Variants in SORCS3 observed in about 807,000 individuals in gnomAD.
SORCS3 encodes the protein VPS10 domain-containing receptor SorCS3.
Under a neutral mutation model 146.3 loss-of-function variants are expected in SORCS3, and 57 were observed. The ratio of observed to expected loss-of-function variants is 0.39; its 90% CI spans 0.31 to 0.49. SORCS3 has a LOEUF of 0.49. Ranked by LOEUF, SORCS3 falls within the 20% of genes least tolerant of loss-of-function variation. SORCS3 has a pLI of 0.92. For synonymous variants in SORCS3, 653 were observed against 618.5 expected (o/e 1.06, Z -0.83); for missense variants, 1,341 against 1,575.5 (o/e 0.85, Z 2.52).
At chr10:104,967,921 A>G (rs1433421650) in intron 3 of SORCS3, among the ~76,000 whole-genome samples, 1 of 151,856 alleles carries the variant, frequency 6.6e-6, no homozygotes, top group Non-Finnish European at 1.5e-5. Context: ...CAGGCTCCCA[A>G]AATGCTGGGA....
intron 5 of SORCS3, among the ~76,000 whole-genome samples, chr10:105,057,180 G>C (rs1166291316): frequency 6.6e-6 from 1 of 152,176 alleles, no homozygotes; most frequent in Non-Finnish European, 1.5e-5. Context: ...ATTAGGTATA[G>C]AGAAGGCTTG....
intron 4 of SORCS3, among the ~76,000 whole-genome samples, chr10:105,022,471 GTA>G (rs1187434958): frequency 9.0e-6 from 1 of 111,502 alleles, no homozygotes; most frequent in East Asian, 2.2e-4. Context: ...CTAATTTTTT[GTA>G]TTTTTTTTTG....
At chr10:105,100,052 G>C (rs993819305) in intron 6 of SORCS3, among the ~76,000 whole-genome samples, 3 of 152,114 alleles carry the variant, frequency 2.0e-5, no homozygotes, top group African/African-American at 7.2e-5. Flanking sequence ...ACGTCTGTAT[G>C]GTGAGAAGAC....
Position 105,219,010 on chromosome 10 carries a change from G to A in SORCS3, c.2734+1888G>A, listed in dbSNP as rs541262671. On this transcript the variant is annotated intron_variant, in intron 19 of 26. Coordinates refer to ENST00000369701, the MANE Select transcript of SORCS3 (RefSeq NM_014978.3). ...AGCCTGGGAGACAGAGCGAGACCCC[G>A]TCTCAAAAAAAAATATATATATATC... Among the ~76,000 whole-genome samples the A allele has an allele frequency of 7.9e-5, 12 of 151,406 alleles. 1 individual carries two copies. In the South Asian group the frequency reaches 1.7e-3, roughly 21 times the overall value.
intron 1 of SORCS3, among the ~76,000 whole-genome samples, chr10:104,751,105 A>T (rs2016978238): frequency 6.6e-6 from 1 of 152,214 alleles, no homozygotes; most frequent in Non-Finnish European, 1.5e-5. Context: ...CAGCCTTTAG[A>T]TGCAGGAAGG....
At chr10:105,177,976 C>A in intron 13 of SORCS3, 90 bp from the exon 14 acceptor site, 2 of 909,276 alleles carry the variant, frequency 2.2e-6, no homozygotes, top group East Asian at 2.5e-5. Context: ...AAGCAAGATA[C>A]AGAGGAAAAT....
intron 19 of SORCS3, among the ~76,000 whole-genome samples, chr10:105,218,308 A>G (rs1423287157): frequency 1.3e-5 from 2 of 152,238 alleles, no homozygotes; most frequent in Admixed American, 1.3e-4. Flanking sequence ...TCTGACTGCT[A>G]CCTTGCCTCG....
chr10:105,070,916 T>C (rs1034244039), intron 5 of SORCS3, among the ~76,000 whole-genome samples: 1 of 152,226 alleles, frequency 6.6e-6, no homozygotes, highest in Non-Finnish European at 1.5e-5. Context: ...AGAAAAAGTT[T>C]AGTTTAATTT....
At chr10:104,946,267 G>T (rs1009234759) in intron 3 of SORCS3, among the ~76,000 whole-genome samples, 3 of 151,738 alleles carry the variant, frequency 2.0e-5, no homozygotes, top group Admixed American at 1.3e-4. Flanking sequence ...AATACAGGAC[G>T]GCTGTTCTTG....
chr10:105,081,518 C>T lies in SORCS3; in HGVS notation c.1029-8257C>T, dbSNP rs565069272. ...AGCGTCCAGCTCTCTTGAGGACTGT[C>T]GTGGCTGGGTGAGCGGTTATGGTTC... On this transcript the variant is annotated intron_variant, in intron 5 of 26. Coordinates refer to ENST00000369701, the MANE Select transcript of SORCS3 (RefSeq NM_014978.3). Among the ~76,000 whole-genome samples, 9 of 152,242 alleles carry T rather than the reference C, an allele frequency of 5.9e-5. No individual in the cohort carries two copies. The South Asian group carries it at 1.7e-3, about 28-fold the overall frequency.
rs993376693 is a variant in SORCS3 at position 105,016,820 on chromosome 10, T to C, written c.955-26235T>C. Among the ~76,000 whole-genome samples the C allele has an allele frequency of 7.2e-5, 11 of 152,246 alleles. No individual in the cohort carries two copies. The East Asian group carries it at 2.1e-3, about 29-fold the overall frequency. On this transcript the variant is annotated intron_variant, in intron 4 of 26. Coordinates refer to ENST00000369701, the MANE Select transcript of SORCS3 (RefSeq NM_014978.3). ...CTCTACTCATTGTGTCTATGGGGAA[T>C]GGAGGGCTGGCCTACTCAAAACTCA... is the stretch of plus-strand genomic sequence containing the variant.
At chr10:105,245,016 C>A (rs1453445665) in intron 20 of SORCS3, among the ~76,000 whole-genome samples, 1 of 149,988 alleles carries the variant, frequency 6.7e-6, no homozygotes, top group East Asian at 2.0e-4. Context: ...TTGCAGTGAG[C>A]CGAGATCGCA....
rs141006695 is a variant in SORCS3, at chr10:104,945,038, G to A, written c.795+29106G>A. ...TTGAATGAATTACTGCTATAAGCAAGCAACAACATGGATTAATCTCATAGA... is the reference window on the plus strand; with the variant it reads ...TTGAATGAATTACTGCTATAAGCAAACAACAACATGGATTAATCTCATAGA... On this transcript the variant is annotated intron_variant, in intron 3 of 26. Transcript: ENST00000369701. 1.4e-3 allele frequency among the ~76,000 whole-genome samples: 213 copies of A among 152,280 alleles called. No individual in the cohort carries two copies. The Middle Eastern group carries it at 0.02, about 15-fold the overall frequency.
chr10:104,799,727 G>C (rs1199906268), intron 1 of SORCS3, among the ~76,000 whole-genome samples: 2 of 151,916 alleles, frequency 1.3e-5, no homozygotes, highest in African/African-American at 4.8e-5. Context: ...CCAGGCTGGA[G>C]TGCAGTGGTG....
At chr10:104,943,758 A>G (rs1374844503) in intron 3 of SORCS3, among the ~76,000 whole-genome samples, 1 of 152,224 alleles carries the variant, frequency 6.6e-6, no homozygotes, top group Admixed American at 6.5e-5. Flanking sequence ...AAGAATAGGT[A>G]AGAGAATCTT....
At chr10:104,922,215 A>T (rs573322773) in intron 3 of SORCS3, among the ~76,000 whole-genome samples, 101 of 152,336 alleles carry the variant, frequency 6.6e-4, no homozygotes, top group Non-Finnish European at 1.1e-3. Context: ...AGGGTCAGGG[A>T]AAGTAAGTGG....
intron 2 of SORCS3, among the ~76,000 whole-genome samples, chr10:104,862,656 G>T (rs1277455740): frequency 1.3e-5 from 2 of 152,042 alleles, no homozygotes; most frequent in Non-Finnish European, 2.9e-5. Context: ...AAACTGAATT[G>T]TATGTGTTTT....
At chr10:105,039,409 A>T (rs2055324932) in intron 4 of SORCS3, among the ~76,000 whole-genome samples, 1 of 151,888 alleles carries the variant, frequency 6.6e-6, no homozygotes, top group African/African-American at 2.4e-5. Flanking sequence ...TAGGAGGTGA[A>T]ACAGGCCTGA....
At chr10:105,073,885 C>T (rs1363617020) in intron 5 of SORCS3, among the ~76,000 whole-genome samples, 1 of 151,996 alleles carries the variant, frequency 6.6e-6, no homozygotes, top group Non-Finnish European at 1.5e-5. Flanking sequence ...TTTCAGGATG[C>T]AGTTTGATCT....
Sources: gnomAD v4.1 joint callset for allele counts (sites outside exome capture counted in the v4.1 genomes callset) on GRCh38, gnomAD v4.1.1 for gene constraint, MANE v1.5 for transcripts, NCBI Gene and HGNC (gene_info 2026-07-23, HGNC 2026-07-21) for gene names.